ABCB1: variants seen among roughly 807,000 people sequenced by gnomAD.
The protein encoded by ABCB1 is ATP binding cassette subfamily B member 1.
Under a neutral mutation model 142.0 loss-of-function variants are expected in ABCB1, and 69 were observed. That is an observed-to-expected ratio of 0.49 (90% CI 0.40 to 0.59). The LOEUF is 0.59. Among genes scored for constraint, ABCB1 ranks in the 20% least tolerant of loss-of-function variants. The pLI is 0.00. For missense variants in ABCB1, 1,326 were observed against 1,554.7 expected, an observed-to-expected ratio of 0.85 and a Z score of 2.47; for synonymous variants, 532 against 539.2, an observed-to-expected ratio of 0.99 and a Z score of 0.18.
intron 21 of ABCB1, chr7:87,522,355 C>A: frequency 1.4e-6 from 1 of 727,668 alleles, no homozygotes; most frequent in Non-Finnish European, 2.5e-6. Context: ...AACCATGAAA[C>A]CAAGGTGGCT....
chr7:87,514,161 C>T lies in ABCB1; in HGVS notation c.3282+1070G>A, dbSNP rs998720999. Among the ~76,000 whole-genome samples, 8 of 152,320 alleles carry T rather than the reference C, an allele frequency of 5.3e-5. No homozygotes were observed. The South Asian group carries it at 1.0e-3, about 20-fold the overall frequency. ...TCCTAGACTAAAGATTGAAAACTCT[C>T]TTTTCATTTGAGTCATTAAATGCTA... On this transcript the variant is annotated intron_variant, in intron 25 of 27. Coordinates refer to ENST00000622132, the MANE Select transcript of ABCB1 (RefSeq NM_001348946.2).
At chr7:87,575,428 T>G (rs1239127079) in intron 4 of ABCB1, among the ~76,000 whole-genome samples, 3 of 152,130 alleles carry the variant, frequency 2.0e-5, no homozygotes, top group Admixed American at 6.5e-5. Flanking sequence ...ATCATCGGAT[T>G]TCTGTTCAAG....
At chr7:87,696,299 G>A (rs1296229517) in intron 1 of ABCB1, among the ~76,000 whole-genome samples, 2 of 152,082 alleles carry the variant, frequency 1.3e-5, no homozygotes, top group African/African-American at 4.8e-5. Context: ...AGTATTTGAG[G>A]AGTGGTTATT....
chr7:87,677,229 A>C (rs983946604), intron 1 of ABCB1, among the ~76,000 whole-genome samples: 1 of 151,486 alleles, frequency 6.6e-6, no homozygotes, highest in Non-Finnish European at 1.5e-5. Flanking sequence ...AGACAACCTA[A>C]GTAGCTGTCA....
intron 4 of ABCB1, among the ~76,000 whole-genome samples, chr7:87,578,735 C>T (rs1195466278): frequency 6.7e-6 from 1 of 149,342 alleles, no homozygotes; most frequent in Non-Finnish European, 1.5e-5. Flanking sequence ...GCTCTGTCGC[C>T]CAGGCTGGAG....
In ABCB1 at chr7:87,549,497, C is replaced by T; in HGVS notation, c.1576G>A (p.Glu526Lys). The change falls in exon 14 of 28, where the codon GAG (glutamate) becomes AAG (lysine). Residue 526 changes from glutamate to lysine, a missense_variant. Glu to Lys is a moderately conservative substitution (Grantham distance 56). Coordinates refer to ENST00000622132, the MANE Select transcript of ABCB1 (RefSeq NM_001348946.2). The stretch of plus-strand genomic sequence containing the variant: ...CCACCACTCAACTGGGCCCCTCTCT[C>T]TCCAACCAGGGTGTCAAATTTCTAC... Reference protein sequence around the residue: ...LPHKFDTLVGERGAQLSGGQK... With the variant: ...LPHKFDTLVGKRGAQLSGGQK... The T allele has an allele frequency of 1.2e-6, 2 of 1,614,186 alleles. No individual in the cohort carries two copies. The highest frequency in any genetic ancestry group is 1.7e-6 in the Non-Finnish European group (2 of 1,180,024).
At chr7:87,708,500 G>C (rs1829800029) in intron 1 of ABCB1, among the ~76,000 whole-genome samples, 1 of 152,096 alleles carries the variant, frequency 6.6e-6, no homozygotes, top group South Asian at 2.1e-4. Flanking sequence ...GTAATCTATA[G>C]TTAAAAATCA....
At chr7:87,703,412 G>T (rs145818951) in intron 1 of ABCB1, among the ~76,000 whole-genome samples, 194 of 152,166 alleles carry the variant, frequency 1.3e-3, no homozygotes, top group African/African-American at 4.2e-3. Flanking sequence ...AACATTTTTA[G>T]CTCCTTAATA....
At chr7:87,527,661 G>A (rs769240074) in intron 21 of ABCB1, among the ~76,000 whole-genome samples, 1 of 152,092 alleles carries the variant, frequency 6.6e-6, no homozygotes, top group Non-Finnish European at 1.5e-5. Flanking sequence ...TTTAAAATAC[G>A]CAAGAATCAT....
At chr7:87,639,941 TTC>T (rs747661376) in intron 1 of ABCB1, among the ~76,000 whole-genome samples, 1 of 151,642 alleles carries the variant, frequency 6.6e-6, no homozygotes, top group Non-Finnish European at 1.5e-5. Context: ...GTTTGCTTTT[TTC>T]TCTTTTCTTG....
chr7:87,608,364 G>C (rs1204292187), intron 1 of ABCB1, among the ~76,000 whole-genome samples: 1 of 152,192 alleles, frequency 6.6e-6, no homozygotes, highest in Admixed American at 6.5e-5. Flanking sequence ...AGACTAGTAA[G>C]TGATTTGCTT....
At chr7:87,534,403 T>C (rs934023863) in intron 20 of ABCB1, among the ~76,000 whole-genome samples, 1 of 152,166 alleles carries the variant, frequency 6.6e-6, no homozygotes, top group African/African-American at 2.4e-5. Context: ...TAGGAGTCTA[T>C]AGAGTTGTGA....
At chr7:87,634,697 A>G (rs1158062783) in intron 1 of ABCB1, among the ~76,000 whole-genome samples, 1 of 152,064 alleles carries the variant, frequency 6.6e-6, no homozygotes, top group Non-Finnish European at 1.5e-5. Context: ...TTGGTTGAAT[A>G]TGCTTGAGTA....
intron 7 of ABCB1, 145 bp downstream of exon 7, chr7:87,565,925 G>A: frequency 1.1e-6 from 1 of 903,246 alleles, no homozygotes; most frequent in Non-Finnish European, 1.8e-6. Context: ...GGCTGGATAT[G>A]CTTATCCAGC....
intron 1 of ABCB1, among the ~76,000 whole-genome samples, chr7:87,685,782 C>T (rs2130616289): frequency 6.6e-6 from 1 of 152,224 alleles, no homozygotes; most frequent in East Asian, 1.9e-4. Context: ...TTTTTCAAAA[C>T]TCATAGCAAC....
intron 1 of ABCB1, among the ~76,000 whole-genome samples, chr7:87,669,076 G>C (rs1266577115): frequency 6.6e-6 from 1 of 152,078 alleles, no homozygotes; most frequent in Non-Finnish European, 1.5e-5. Flanking sequence ...TCTGTGGAGT[G>C]TTGAAGTCTC....
At chr7:87,533,711 G>C (rs1816160616) in intron 20 of ABCB1, among the ~76,000 whole-genome samples, 1 of 152,156 alleles carries the variant, frequency 6.6e-6, no homozygotes, top group Admixed American at 6.6e-5. Flanking sequence ...AAAGACTAGG[G>C]TTGAGGGGAG....
At chr7:87,609,399 T>C (rs1819773310) in intron 1 of ABCB1, among the ~76,000 whole-genome samples, 2 of 152,182 alleles carry the variant, frequency 1.3e-5, no homozygotes, top group South Asian at 4.1e-4. Flanking sequence ...CAAGAGAATG[T>C]AGAGGTCATC....
At chr7:87,671,747 C>T (rs1357246117) in intron 1 of ABCB1, among the ~76,000 whole-genome samples, 1 of 152,182 alleles carries the variant, frequency 6.6e-6, no homozygotes, top group African/African-American at 2.4e-5. Context: ...GGTAGAGCAG[C>T]TGTTCCGTGC....
Sources: gnomAD v4.1 joint callset for allele counts (sites outside exome capture counted in the v4.1 genomes callset) on GRCh38, gnomAD v4.1.1 for gene constraint, MANE v1.5 for transcripts, NCBI Gene and HGNC (gene_info 2026-07-23, HGNC 2026-07-21) for gene names.